The following WWOX variants were observed in gnomAD, a reference collection of about 807,000 sequenced individuals.
WWOX encodes WW domain-containing oxidoreductase.
In WWOX, 69 loss-of-function variants were observed where a neutral mutation model predicts 46.2. That is an observed-to-expected ratio of 1.49 (90% confidence interval 1.23 to 1.82). The LOEUF (loss-of-function observed/expected upper bound fraction) is 1.82. WWOX is among the 40% of genes most tolerant of loss of function. The probability of loss-of-function intolerance (pLI) is 0.00; values close to 1 mark genes in which losing one functional copy is unlikely to be tolerated. For synonymous variants in WWOX, 359 were observed against 202.6 expected, an observed-to-expected ratio of 1.77 and a Z score of -6.56; for missense variants, 919 against 542.6, an observed-to-expected ratio of 1.69 and a Z score of -6.89.
intron 8 of WWOX, chr16:79,078,260 T>G (rs1364879640): frequency 1.3e-5 from 2 of 152,176 alleles, no homozygotes; most frequent in African/African-American, 4.8e-5. Flanking sequence ...CTTTTCACAG[T>G]TTGGTGACAC....
chr16:78,934,820 C>G (rs150851843), intron 8 of WWOX, among the ~76,000 whole-genome samples: 89 of 152,280 alleles, frequency 5.8e-4, no homozygotes, highest in African/African-American at 2.1e-3. Context: ...AAGAAGCAGA[C>G]TGGGCATGGT....
chr16:78,986,893 C>G (rs906012783), intron 8 of WWOX, among the ~76,000 whole-genome samples: 11 of 152,092 alleles, frequency 7.2e-5, no homozygotes, highest in Non-Finnish European at 5.9e-5. Flanking sequence ...GCAAGAGACT[C>G]CTTTTGACTG....
chr16:79,127,414 A>G (rs1238427445), intron 8 of WWOX, among the ~76,000 whole-genome samples: 10 of 152,116 alleles, frequency 6.6e-5, no homozygotes, highest in African/African-American at 1.2e-4. Flanking sequence ...TATCTTAGAG[A>G]TGGTTCTAAA....
chr16:79,115,236 T>C (rs2049492156), intron 8 of WWOX, among the ~76,000 whole-genome samples: 1 of 152,226 alleles, frequency 6.6e-6, no homozygotes, highest in South Asian at 2.1e-4. Context: ...GAATTCTCTC[T>C]AACAATCAAT....
chr16:78,785,620 A>G (rs1044114846), intron 8 of WWOX, among the ~76,000 whole-genome samples: 3 of 152,230 alleles, frequency 2.0e-5, no homozygotes, highest in African/African-American at 7.2e-5. Context: ...GTTTTTACCA[A>G]ATGCTTCTGA....
intron 8 of WWOX, among the ~76,000 whole-genome samples, chr16:79,065,245 T>C (rs1376901637): frequency 6.6e-6 from 1 of 152,190 alleles, no homozygotes; most frequent in Non-Finnish European, 1.5e-5. Context: ...AAAACCCAGT[T>C]CACTGAGATG....
intron 8 of WWOX, among the ~76,000 whole-genome samples, chr16:78,754,247 T>G (rs904468425): frequency 2.6e-5 from 4 of 152,092 alleles, no homozygotes; most frequent in African/African-American, 9.7e-5. Context: ...TTCCTGAGAT[T>G]CTTGCTTCCT....
At chr16:78,311,787 T>TG (rs779674455) in intron 5 of WWOX, among the ~76,000 whole-genome samples, 85 of 151,568 alleles carry the variant, frequency 5.6e-4, no homozygotes, top group East Asian at 4.5e-3. Flanking sequence ...AAAAGCAGCC[T>TG]GGCGGGGGGG....
At chr16:78,358,059 A>T (rs1056510389) in intron 5 of WWOX, among the ~76,000 whole-genome samples, 1 of 152,200 alleles carries the variant, frequency 6.6e-6, no homozygotes, top group Non-Finnish European at 1.5e-5. Flanking sequence ...GAACTTTTTC[A>T]TCTTTCTGCA....
At position 78,965,609 on chromosome 16, in the gene WWOX, C is replaced by G. The variant is rs368262800; in HGVS notation, c.1057-245999C>G. 3.5e-4 allele frequency among the ~76,000 whole-genome samples: 53 copies of G among 152,000 alleles called. 1 individual carries two copies. Among genetic ancestry groups the G allele is most frequent in the African/African-American group, 1.2e-3 (49 of 41,484 alleles). On this transcript the variant is annotated intron_variant, in intron 8 of 8. Transcript: ENST00000566780. ...TGCCCGCCTTATTCAGATACACAGTCTAATGCTTTCCACTAGAAGATTCTG... is the reference window on the plus strand; with the variant it reads ...TGCCCGCCTTATTCAGATACACAGTGTAATGCTTTCCACTAGAAGATTCTG...
rs1019518137 is a variant in WWOX, at chr16:78,440,997, C to T, written c.1056+8245C>T. The stretch of plus-strand genomic sequence containing the variant: ...TTGCTCTGTCACCTAGGCTGGAATG[C>T]AGTGGTGCAATCTTGGCTCACTGCA... On this transcript the variant is annotated intron_variant, in intron 8 of 8. Coordinates refer to ENST00000566780, the MANE Select transcript of WWOX (RefSeq NM_016373.4). 3.9e-5 allele frequency among the ~76,000 whole-genome samples: 6 copies of T among 151,986 alleles called. No individual in the cohort carries two copies. The South Asian group carries it at 1.2e-3, about 32-fold the overall frequency.
intron 4 of WWOX, among the ~76,000 whole-genome samples, chr16:78,149,599 G>C (rs1314406081): frequency 6.6e-6 from 1 of 152,226 alleles, no homozygotes; most frequent in Non-Finnish European, 1.5e-5. Flanking sequence ...CTGGTAGGCT[G>C]TTGATGAAAC....
intron 8 of WWOX, among the ~76,000 whole-genome samples, chr16:78,843,505 A>G (rs149286267): frequency 2.0e-5 from 3 of 150,218 alleles, no homozygotes; most frequent in Admixed American, 1.3e-4. Context: ...TCCATATGCA[A>G]CAAACCCACA....
At chr16:78,112,080 C>G (rs1312090150) in intron 3 of WWOX, 2 of 152,298 alleles carry the variant, frequency 1.3e-5, no homozygotes, top group Non-Finnish European at 2.9e-5. Context: ...ATCTCTTTGT[C>G]TTGTGTCTTT....
intron 8 of WWOX, among the ~76,000 whole-genome samples, chr16:78,730,415 C>T (rs2048940705): frequency 6.6e-6 from 1 of 151,928 alleles, no homozygotes; most frequent in Non-Finnish European, 1.5e-5. Flanking sequence ...AAGATATTTC[C>T]TAGGACTCAT....
chr16:78,103,901 T>C (rs926225468), intron 1 of WWOX, among the ~76,000 whole-genome samples: 1 of 151,970 alleles, frequency 6.6e-6, no homozygotes, highest in African/African-American at 2.4e-5. Context: ...GGTTCACTTG[T>C]GTGCCTCAAA....
At chr16:78,640,567 A>C (rs1314981254) in intron 8 of WWOX, among the ~76,000 whole-genome samples, 1 of 152,150 alleles carries the variant, frequency 6.6e-6, no homozygotes, top group African/African-American at 2.4e-5. Context: ...CTGTACAGCA[A>C]ACCACCATGG....
At chr16:78,135,979 A>C (rs2033776970) in intron 4 of WWOX, among the ~76,000 whole-genome samples, 1 of 152,196 alleles carries the variant, frequency 6.6e-6, no homozygotes, top group Admixed American at 6.5e-5. Flanking sequence ...TATATATAAA[A>C]TTATATTAAA....
At chr16:78,408,918 A>G (rs1366536833) in intron 6 of WWOX, among the ~76,000 whole-genome samples, 1 of 152,016 alleles carries the variant, frequency 6.6e-6, no homozygotes, top group Admixed American at 6.5e-5. Flanking sequence ...CAGGGAACAG[A>G]AAGTACTGTG....
Sources: allele counts gnomAD v4.1 joint callset (sites outside exome capture counted in the v4.1 genomes callset), GRCh38; gene constraint gnomAD v4.1.1; transcripts MANE v1.5; gene names NCBI Gene and HGNC (gene_info 2026-07-23, HGNC 2026-07-21).